NUGGC: variants seen among roughly 807,000 people sequenced by gnomAD.
NUGGC encodes the protein nuclear GTPase SLIP-GC.
In NUGGC, 58 loss-of-function variants were observed where a neutral mutation model predicts 92.6. The ratio of observed to expected loss-of-function variants is 0.63; its 90% confidence interval spans 0.51 to 0.78. The LOEUF (loss-of-function observed/expected upper bound fraction) is 0.78, where lower values mean the gene tolerates loss of function less well. Among genes scored for constraint, NUGGC ranks in the 30% least tolerant of loss-of-function variants. The pLI is 0.00. For synonymous variants in NUGGC, 376 were observed against 366.4 expected, an observed-to-expected ratio of 1.03 and a Z score of -0.30; for missense variants, 925 against 964.6, an observed-to-expected ratio of 0.96 and a Z score of 0.54.
intron 18 of NUGGC, 24 bp downstream of exon 18, chr8:28,026,938 T>C: frequency 6.6e-7 from 1 of 1,507,310 alleles, no homozygotes; most frequent in Non-Finnish European, 9.2e-7. Context: ...AATCACCCTG[T>C]ATACAAAGCT....
intron 9 of NUGGC, 130 bp from the exon 10 acceptor site, chr8:28,056,184 A>C (rs1478593039): frequency 8.7e-6 from 5 of 574,406 alleles, no homozygotes; most frequent in Non-Finnish European, 1.5e-5. Flanking sequence ...ACTGTATTAG[A>C]ATTATACACA....
At position 28,041,111 on chromosome 8, in the gene NUGGC, C is replaced by A; in HGVS notation, c.1551G>T (p.Leu517=). Residue 517 remains leucine, a synonymous_variant, in exon 13 of 19, where the codon CTG becomes CTT. Coordinates refer to ENST00000413272, the MANE Select transcript of NUGGC (RefSeq NM_001010906.2). ...AQCFACMEQP[L]QEGVRTARTS... is the part of the protein sequence containing the mutation. ...TCCTGGCGGTCCTGACCCCTTCTTGCAGAGGCTGCTCCATGCAGGCGAAGC... is the reference window on the plus strand; with the variant it reads ...TCCTGGCGGTCCTGACCCCTTCTTGAAGAGGCTGCTCCATGCAGGCGAAGC... 3.1e-6 allele frequency: 5 copies of A among 1,608,366 alleles called. No individual in the cohort carries two copies. Among genetic ancestry groups the A allele is most frequent in the Non-Finnish European group, 4.2e-6 (5 of 1,177,654 alleles).
At chr8:28,033,792 A>G (rs991462616) in intron 13 of NUGGC, 95 bp from the exon 14 acceptor site, 5 of 1,054,092 alleles carry the variant, frequency 4.7e-6, no homozygotes, top group Middle Eastern at 4.1e-4. Flanking sequence ...ACTACCAAGA[A>G]TCACAGGAAA....
intron 18 of NUGGC, among the ~76,000 whole-genome samples, chr8:28,024,439 G>A (rs1809203915): frequency 6.6e-6 from 1 of 152,102 alleles, no homozygotes; most frequent in African/African-American, 2.4e-5. Flanking sequence ...TGGAGTCTCT[G>A]TCCTGTGGGC....
intron 2 of NUGGC, among the ~76,000 whole-genome samples, chr8:28,073,699 G>A (rs1163235676): frequency 4.6e-5 from 7 of 152,106 alleles, no homozygotes; most frequent in African/African-American, 1.7e-4. Flanking sequence ...CCGCTCCAAG[G>A]CACCTACATC....
intron 16 of NUGGC, 109 bp downstream of exon 16, chr8:28,030,201 C>G: frequency 1.5e-6 from 1 of 676,602 alleles, no homozygotes; most frequent in Non-Finnish European, 2.7e-6. Flanking sequence ...GCTGCAAAGT[C>G]TTAGGGTGCA....
chr8:28,040,210 T>C (rs1053504883), intron 13 of NUGGC, among the ~76,000 whole-genome samples: 5 of 152,204 alleles, frequency 3.3e-5, no homozygotes, highest in African/African-American at 9.6e-5. Context: ...GCCTCTTTTT[T>C]CACCCCTTAG....
At chr8:28,048,405 T>TTTTG (rs372762448) in intron 10 of NUGGC, among the ~76,000 whole-genome samples, 3,565 of 151,608 alleles carry the variant, frequency 0.024, 126 homozygotes, top group African/African-American at 0.082. Context: ...CTTTTGGGTT[T>TTTTG]TTTGTTTGTT....
At chr8:28,044,435 G>A (rs1475151919) in intron 12 of NUGGC, among the ~76,000 whole-genome samples, 1 of 152,158 alleles carries the variant, frequency 6.6e-6, no homozygotes, top group Non-Finnish European at 1.5e-5. Flanking sequence ...AAAGCTTCAT[G>A]GTGGACAAAA....
At position 28,070,066 on chromosome 8, in the gene NUGGC, C is replaced by A. The variant is rs1233130789; in HGVS notation, c.148+186G>T. ...TTATTTTGATAACAACCCTCCTGCCCACAGATGCCTGGAGACAAATTGCCT... is the reference window on the plus strand; with the variant it reads ...TTATTTTGATAACAACCCTCCTGCCAACAGATGCCTGGAGACAAATTGCCT... On this transcript the variant is annotated intron_variant, in intron 3 of 18. Transcript: ENST00000413272. 12 of 980,576 alleles carry A rather than the reference C, an allele frequency of 1.2e-5. No individual in the cohort carries two copies. The Admixed American group carries it at 6.8e-4, about 55-fold the overall frequency. 60.7% of individuals were successfully genotyped at this position (980,576 alleles called of 1,614,324 possible). A position where few individuals can be genotyped will look rare whatever the true frequency, so the allele number is the denominator to read the frequency against.
At chr8:28,046,179 C>T (rs1809828595) in intron 11 of NUGGC, among the ~76,000 whole-genome samples, 1 of 152,128 alleles carries the variant, frequency 6.6e-6, no homozygotes, top group Non-Finnish European at 1.5e-5. Flanking sequence ...TGCCACTCTA[C>T]CCTTTTCCCC....
At position 28,029,292 on chromosome 8, in the gene NUGGC, T is replaced by A. The variant is rs1168050927; in HGVS notation, c.2128A>T (p.Met710Leu). Residue 710 changes from methionine (M) to leucine (L), a missense_variant, in exon 17 of 19, where the codon ATG becomes TTG. Physicochemically the swap from Met to Leu is conservative, Grantham distance 15. Transcript: ENST00000413272. Reference protein sequence around the residue: ...EGMFERAQERMQHQFQQLKTG... With the variant: ...EGMFERAQERLQHQFQQLKTG... ...TTCAGCTGCTGAAACTGGTGCTGCA[T>A]CCTTTCCTGGGCCCTTTCAAACATG... 6.2e-7 allele frequency: 1 copy of A among 1,607,142 alleles called. No homozygotes were observed. Among genetic ancestry groups the A allele is most frequent in the Non-Finnish European group, 8.5e-7 (1 of 1,176,838 alleles).
intron 12 of NUGGC, among the ~76,000 whole-genome samples, chr8:28,044,395 C>T (rs1345889499): frequency 6.6e-6 from 1 of 152,174 alleles, no homozygotes; most frequent in Non-Finnish European, 1.5e-5. Context: ...TTGAGTTCAG[C>T]AGAGACTCAA....
At chr8:28,047,423 CA>C (rs1305496585) in intron 11 of NUGGC, 83 bp downstream of exon 11, 6 of 846,314 alleles carry the variant, frequency 7.1e-6, no homozygotes, top group Non-Finnish European at 1.1e-5. Context: ...TTGTGTGGCA[CA>C]AAAAGTTCTA....
chr8:28,023,219 C>G lies in NUGGC; in HGVS notation c.*98G>C. 7.4e-7 allele frequency: 1 copy of G among 1,354,574 alleles called. No individual in the cohort carries two copies. The highest frequency in any genetic ancestry group is 2.5e-5 in the East Asian group (1 of 39,664). The allele number at this position is 1,354,574 out of a possible 1,614,324, so 83.9% of individuals were successfully genotyped here. A position where few individuals can be genotyped will look rare whatever the true frequency, so the allele number is the denominator to read the frequency against. On this transcript the variant is annotated 3_prime_UTR_variant, in exon 19 of 19. Transcript: ENST00000413272. ...TGCCACTGCACTCCAGCCTGGGCAA[C>G]AGAGGTAGATAGATCTTGTCTCTTA...
chr8:28,026,473 C>A (rs963708289), intron 18 of NUGGC, among the ~76,000 whole-genome samples: 1 of 152,176 alleles, frequency 6.6e-6, no homozygotes, highest in South Asian at 2.1e-4. Context: ...TAAGAGAAGC[C>A]TTTCTCCACC....
At chr8:28,031,456 G>A (rs973048893) in intron 14 of NUGGC, 75 bp from the exon 15 acceptor site, 1 of 1,393,604 alleles carries the variant, frequency 7.2e-7, no homozygotes, top group Admixed American at 1.9e-5. Flanking sequence ...GAAACTAGCT[G>A]GTGTCCTTTT....
At chr8:28,066,108 G>C (rs1005984965) in intron 6 of NUGGC, among the ~76,000 whole-genome samples, 11 of 152,196 alleles carry the variant, frequency 7.2e-5, no homozygotes, top group Admixed American at 4.6e-4. Flanking sequence ...CGCTGGGAAG[G>C]AGTATTTCTA....
chr8:28,028,486 A>G (rs1585551320), intron 17 of NUGGC, among the ~76,000 whole-genome samples: 1 of 152,340 alleles, frequency 6.6e-6, no homozygotes, highest in East Asian at 1.9e-4. Flanking sequence ...GGACTGAGAT[A>G]GCAATAGGCC....
Sources: allele counts gnomAD v4.1 joint callset (sites outside exome capture counted in the v4.1 genomes callset), GRCh38; gene constraint gnomAD v4.1.1; transcripts MANE v1.5; gene names NCBI Gene and HGNC (gene_info 2026-07-23, HGNC 2026-07-21).